The following GALNT17 variants were observed in gnomAD, a reference collection of about 807,000 sequenced individuals.
The protein encoded by GALNT17 is polypeptide N-acetylgalactosaminyltransferase 17.
GALNT17 carries 29 observed loss-of-function variants against 63.7 expected under a neutral mutation model. The observed-to-expected ratio is 0.46, with a 90% CI of 0.34 to 0.62. GALNT17 has a LOEUF of 0.62. GALNT17 is among the 20% of genes least tolerant of loss of function. The probability of loss-of-function intolerance (pLI) is 0.01; values close to 1 mark genes in which losing one functional copy is unlikely to be tolerated. For synonymous variants in GALNT17, 305 were observed against 318.3 expected, an observed-to-expected ratio of 0.96 and a Z score of 0.45; for missense variants, 603 against 799.6, an observed-to-expected ratio of 0.75 and a Z score of 2.97.
intron 1 of GALNT17, among the ~76,000 whole-genome samples, chr7:71,294,686 A>G (rs1028135913): frequency 6.6e-6 from 1 of 152,088 alleles, no homozygotes; most frequent in Non-Finnish European, 1.5e-5. Context: ...AACTGCTGGG[A>G]TTACAGGTGT....
intron 5 of GALNT17, among the ~76,000 whole-genome samples, chr7:71,452,583 C>T (rs1478384086): frequency 6.6e-6 from 1 of 151,950 alleles, no homozygotes; most frequent in Non-Finnish European, 1.5e-5. Flanking sequence ...TTAGGGAGGC[C>T]TAATATATGA....
rs530919248 is a variant in GALNT17, at chr7:71,457,641, A to G, written c.962+36536A>G. ...TATAGGGTAATTTGCTGTCATTACC[A>G]TGGCATTTGTAAACTGCAGTGGTGC... On this transcript the variant is annotated intron_variant, in intron 5 of 10. Coordinates refer to ENST00000333538, the MANE Select transcript of GALNT17 (RefSeq NM_022479.3). Among the ~76,000 whole-genome samples, 5 of 152,302 alleles carry G rather than the reference A, an allele frequency of 3.3e-5. No individual in the cohort carries two copies. In the East Asian group the frequency reaches 7.7e-4, roughly 24 times the overall value.
rs141588213 is a variant in GALNT17, at chr7:71,667,400, A to C, written c.1266+1804A>C. Among the ~76,000 whole-genome samples the C allele has an allele frequency of 3.9e-5, 6 of 152,336 alleles. No individual in the cohort carries two copies. In the East Asian group the frequency reaches 1.2e-3, roughly 29 times the overall value. On this transcript the variant is annotated intron_variant, in intron 7 of 10. Transcript: ENST00000333538. Reference sequence around the variant, plus strand: ...ATGTAAAGATAGGTAACATTCGTTGAGCACTTACTATGTCCCAGGTACCTA... The same window carrying C: ...ATGTAAAGATAGGTAACATTCGTTGCGCACTTACTATGTCCCAGGTACCTA...
At chr7:71,692,797 G>A (rs1383394950) in intron 9 of GALNT17, among the ~76,000 whole-genome samples, 3 of 150,270 alleles carry the variant, frequency 2.0e-5, no homozygotes, top group Non-Finnish European at 4.4e-5. Flanking sequence ...GGAGTGCAGT[G>A]GCGTGATCTC....
chr7:71,344,985 C>T (rs892719121), intron 2 of GALNT17, among the ~76,000 whole-genome samples: 3 of 151,462 alleles, frequency 2.0e-5, no homozygotes, highest in Non-Finnish European at 4.4e-5. Context: ...GCTTGTCCGG[C>T]GTTTCCCAAA....
rs111980953 is a variant in GALNT17 at position 71,468,909 on chromosome 7, A to C, written c.962+47804A>C. On this transcript the variant is annotated intron_variant, in intron 5 of 10. Coordinates refer to ENST00000333538, the MANE Select transcript of GALNT17 (RefSeq NM_022479.3). ...CTTATTATTTGTTGAGTTCAGGGTC[A>C]TGATCATAAATCCCAACAGAAGCTC... 3.5e-3 allele frequency among the ~76,000 whole-genome samples: 535 copies of C among 152,312 alleles called. 2 individuals carry two copies. Among genetic ancestry groups the C allele is most frequent in the African/African-American group, 0.012 (509 of 41,566 alleles).
chr7:71,259,289 C>T (rs1790339920), intron 1 of GALNT17, among the ~76,000 whole-genome samples: 1 of 152,162 alleles, frequency 6.6e-6, no homozygotes, highest in Non-Finnish European at 1.5e-5. Context: ...TTGTTCCAGC[C>T]AGGTTTGAAT....
intron 1 of GALNT17, among the ~76,000 whole-genome samples, chr7:71,264,436 T>C (rs1008805839): frequency 6.6e-6 from 1 of 152,124 alleles, no homozygotes; most frequent in African/African-American, 2.4e-5. Context: ...AAAAATGTAA[T>C]AAATTCTAGA....
intron 6 of GALNT17, among the ~76,000 whole-genome samples, chr7:71,646,439 G>T (rs545338895): frequency 6.6e-6 from 1 of 152,124 alleles, no homozygotes; most frequent in Non-Finnish European, 1.5e-5. Flanking sequence ...GGGACTCAGC[G>T]TGTTTCTATC....
At chr7:71,368,994 A>T (rs994597277) in intron 2 of GALNT17, among the ~76,000 whole-genome samples, 1 of 152,104 alleles carries the variant, frequency 6.6e-6, no homozygotes, top group Non-Finnish European at 1.5e-5. Context: ...TAAAGTCACC[A>T]TCCTCAGCAA....
chr7:71,660,981 G>A lies in GALNT17; in HGVS notation c.1081-4430G>A, dbSNP rs1164969632. Among the ~76,000 whole-genome samples, 8 of 152,332 alleles carry A rather than the reference G, an allele frequency of 5.3e-5. No individual in the cohort carries two copies. In the South Asian group the frequency reaches 8.3e-4, roughly 16 times the overall value. On this transcript the variant is annotated intron_variant, in intron 6 of 10. Coordinates refer to ENST00000333538, the MANE Select transcript of GALNT17 (RefSeq NM_022479.3). ...CACAGCCATGCCGCCACTTGGATCC[G>A]TGCAGCAGCAGGCTTTGACCTCTGA...
chr7:71,305,216 C>T (rs1025320843), intron 1 of GALNT17, among the ~76,000 whole-genome samples: 9 of 124,852 alleles, frequency 7.2e-5, no homozygotes, highest in Middle Eastern at 4.0e-3. Context: ...AGCAAAAATA[C>T]TTTGAGCACA....
At chr7:71,640,994 C>A (rs1173446407) in intron 6 of GALNT17, among the ~76,000 whole-genome samples, 1 of 152,176 alleles carries the variant, frequency 6.6e-6, no homozygotes, top group Admixed American at 6.5e-5. Context: ...AATGCAGATT[C>A]TGAGGCCCCT....
At chr7:71,326,443 G>C (rs938770046) in intron 1 of GALNT17, among the ~76,000 whole-genome samples, 1 of 152,132 alleles carries the variant, frequency 6.6e-6, no homozygotes, top group Non-Finnish European at 1.5e-5. Flanking sequence ...CTGGGTGACA[G>C]AGTGAGACCC....
intron 5 of GALNT17, among the ~76,000 whole-genome samples, chr7:71,461,478 A>G (rs572665232): frequency 4.6e-5 from 7 of 152,306 alleles, no homozygotes; most frequent in Admixed American, 4.6e-4. Flanking sequence ...GTGATAATAG[A>G]AGGATTTCTT....
At chr7:71,233,095 G>A (rs958524841) in intron 1 of GALNT17, among the ~76,000 whole-genome samples, 9 of 152,110 alleles carry the variant, frequency 5.9e-5, no homozygotes, top group Non-Finnish European at 8.8e-5. Flanking sequence ...TCACCAACCC[G>A]GAAGAAAGCC....
intron 5 of GALNT17, among the ~76,000 whole-genome samples, chr7:71,476,075 G>A (rs1384451886): frequency 6.6e-6 from 1 of 151,948 alleles, no homozygotes. Context: ...TCACTTGATG[G>A]GTTGTTTTGA....
rs1334444457 is a variant in GALNT17 at position 71,488,934 on chromosome 7, C to T, written c.962+67829C>T. On this transcript the variant is annotated intron_variant, in intron 5 of 10. Coordinates refer to ENST00000333538, the MANE Select transcript of GALNT17 (RefSeq NM_022479.3). ...TTTTTGAGACAGTCTTGCTTTGTTGCCCAGGCCAGAGTGTAGTGGTAAGAC... is the reference window on the plus strand; with the variant it reads ...TTTTTGAGACAGTCTTGCTTTGTTGTCCAGGCCAGAGTGTAGTGGTAAGAC... Among the ~76,000 whole-genome samples the T allele has an allele frequency of 5.0e-5, 4 of 80,362 alleles. No homozygotes were observed. In the Admixed American group the frequency reaches 8.5e-4, roughly 17 times the overall value. 52.7% of individuals were successfully genotyped at this position (80,362 alleles called of 152,430 possible).
chr7:71,156,176 C>A (rs147251661), intron 1 of GALNT17, among the ~76,000 whole-genome samples: 2,015 of 151,270 alleles, frequency 0.013, 80 homozygotes, highest in African/African-American at 0.046. Context: ...AGCCTGGGCA[C>A]CGAGAGTGAA....
Sources: allele counts gnomAD v4.1 joint callset (sites outside exome capture counted in the v4.1 genomes callset), GRCh38; gene constraint gnomAD v4.1.1; transcripts MANE v1.5; gene names NCBI Gene and HGNC (gene_info 2026-07-23, HGNC 2026-07-21).